The following TSHZ2 variants were observed in gnomAD, a reference collection of about 807,000 sequenced individuals.
The protein encoded by TSHZ2 is teashirt homolog 2.
Under a neutral mutation model 74.4 loss-of-function variants are expected in TSHZ2, and 21 were observed. The ratio of observed to expected loss-of-function variants is 0.28; its 90% CI spans 0.20 to 0.41. The LOEUF (loss-of-function observed/expected upper bound fraction) is 0.41, where lower values mean the gene tolerates loss of function less well. TSHZ2 is among the 10% of genes least tolerant of loss of function. TSHZ2 has a pLI of 1.00. For synonymous variants in TSHZ2, 540 were observed against 515.3 expected (o/e 1.05, Z -0.65); for missense variants, 1,244 against 1,293.5 (o/e 0.96, Z 0.59).
chr20:53,249,220 A>C (rs1568833547), intron 1 of TSHZ2, among the ~76,000 whole-genome samples: 1 of 152,226 alleles, frequency 6.6e-6, no homozygotes, highest in African/African-American at 2.4e-5. Flanking sequence ...GAGGGTGGGC[A>C]GATCTTTACC....
In TSHZ2 at chr20:53,446,042, C is replaced by T. The variant is rs536160367; in HGVS notation, c.*9-41102C>T. Among the ~76,000 whole-genome samples, 20 of 152,294 alleles carry T rather than the reference C, an allele frequency of 1.3e-4. No individual in the cohort carries two copies. The South Asian group carries it at 4.1e-3, about 32-fold the overall frequency. ...ATGCACCAACAACCCCAGTACTTTA[C>T]CCGCTCTGTATTCATGCCCTTGATC... On this transcript the variant is annotated intron_variant, in intron 2 of 2. Transcript: ENST00000371497.
intron 1 of TSHZ2, among the ~76,000 whole-genome samples, chr20:53,125,153 G>A (rs989867884): frequency 6.6e-6 from 1 of 152,180 alleles, no homozygotes; most frequent in African/African-American, 2.4e-5. Context: ...AATTTATAGG[G>A]TGATTTTGAG....
intron 1 of TSHZ2, among the ~76,000 whole-genome samples, chr20:53,065,759 T>C (rs1053111131): frequency 6.6e-6 from 1 of 152,254 alleles, no homozygotes; most frequent in Non-Finnish European, 1.5e-5. Flanking sequence ...TATATAGGTC[T>C]CTAGCCCAAA....
intron 1 of TSHZ2, among the ~76,000 whole-genome samples, chr20:53,203,989 C>A (rs956173174): frequency 6.6e-6 from 1 of 150,740 alleles, no homozygotes; most frequent in Admixed American, 6.6e-5. Flanking sequence ...GTCCAAAAAC[C>A]GTAGTGCACA....
chr20:53,201,016 AT>A (rs199964279), intron 1 of TSHZ2, among the ~76,000 whole-genome samples: 9,010 of 149,342 alleles, frequency 0.06, 582 homozygotes, highest in East Asian at 0.32. Flanking sequence ...TTTTCCATTA[AT>A]TTTTTTTTTT....
At chr20:53,419,893 C>T (rs1347319439) in intron 2 of TSHZ2, among the ~76,000 whole-genome samples, 3 of 152,212 alleles carry the variant, frequency 2.0e-5, no homozygotes, top group Non-Finnish European at 4.4e-5. Flanking sequence ...ACCACGCTGC[C>T]GATCTCCTAA....
intron 1 of TSHZ2, among the ~76,000 whole-genome samples, chr20:53,046,498 A>T (rs1984232934): frequency 6.6e-6 from 1 of 152,152 alleles, no homozygotes; most frequent in Admixed American, 6.5e-5. Context: ...CCTAAGCTAA[A>T]ATATTCACCA....
chr20:53,367,554 A>G (rs1413092863), intron 2 of TSHZ2, among the ~76,000 whole-genome samples: 1 of 151,992 alleles, frequency 6.6e-6, no homozygotes, highest in African/African-American at 2.4e-5. Context: ...AAGTTACAGA[A>G]GTTTTTCTTC....
intron 1 of TSHZ2, among the ~76,000 whole-genome samples, chr20:53,024,931 A>T (rs1342438917): frequency 3.9e-5 from 6 of 152,112 alleles, no homozygotes; most frequent in Non-Finnish European, 7.4e-5. Context: ...AGTCTTTGCT[A>T]TTGTGAATAC....
chr20:53,014,670 C>G (rs1255530888), intron 1 of TSHZ2, among the ~76,000 whole-genome samples: 3 of 152,070 alleles, frequency 2.0e-5, no homozygotes, highest in Non-Finnish European at 4.4e-5. Flanking sequence ...GGAAATGTAC[C>G]CCCAGCATTT....
intron 2 of TSHZ2, among the ~76,000 whole-genome samples, chr20:53,386,574 C>T (rs999120368): frequency 6.6e-6 from 1 of 152,220 alleles, no homozygotes; most frequent in African/African-American, 2.4e-5. Context: ...GAATGCAAGA[C>T]TGAATAAATG....
intron 2 of TSHZ2, among the ~76,000 whole-genome samples, chr20:53,420,869 C>T (rs11697255): frequency 0.05 from 7,672 of 152,272 alleles, 276 homozygotes; most frequent in Middle Eastern, 0.075. Context: ...TAAAAAGGGA[C>T]AGAAGATGGG....
chr20:53,034,207 C>A (rs1983742731), intron 1 of TSHZ2, among the ~76,000 whole-genome samples: 2 of 152,158 alleles, frequency 1.3e-5, no homozygotes, highest in South Asian at 2.1e-4. Flanking sequence ...GGGTACAAAT[C>A]AGGCTTGGAA....
intron 2 of TSHZ2, among the ~76,000 whole-genome samples, chr20:53,387,834 C>T (rs1759392515): frequency 6.6e-6 from 1 of 152,042 alleles, no homozygotes; most frequent in Non-Finnish European, 1.5e-5. Context: ...ATTGTCTGAG[C>T]TCAGGAGTTC....
At chr20:53,442,303 T>C (rs375063102) in intron 2 of TSHZ2, among the ~76,000 whole-genome samples, 97 of 152,304 alleles carry the variant, frequency 6.4e-4, no homozygotes, top group African/African-American at 1.6e-3. Context: ...GCAAACCCCA[T>C]GTCAAAAGAA....
rs116287042 is a variant in TSHZ2, at chr20:53,174,653, C to T, written c.41-78846C>T. Among the ~76,000 whole-genome samples, 772 of 152,304 alleles carry T rather than the reference C, an allele frequency of 5.1e-3. 3 individuals are homozygous for T. The highest frequency in any genetic ancestry group is 0.014 in the African/African-American group (595 of 41,570). On this transcript the variant is annotated intron_variant, in intron 1 of 2. Transcript: ENST00000371497. Reference sequence around the variant, plus strand: ...GGCACTCAAGGCTTAGCTATCATGACGCCTGTGTCTCTGGGACATGCTCAG... The same window carrying T: ...GGCACTCAAGGCTTAGCTATCATGATGCCTGTGTCTCTGGGACATGCTCAG...
chr20:53,427,881 A>C (rs1983711693), intron 2 of TSHZ2, among the ~76,000 whole-genome samples: 1 of 152,184 alleles, frequency 6.6e-6, no homozygotes, highest in Admixed American at 6.5e-5. Flanking sequence ...ATTGATGGTC[A>C]ACTAAGAAAA....
At chr20:53,373,576 C>A (rs945172141) in intron 2 of TSHZ2, among the ~76,000 whole-genome samples, 1 of 152,094 alleles carries the variant, frequency 6.6e-6, no homozygotes, top group East Asian at 1.9e-4. Context: ...ATGTTGTCAA[C>A]CCAAAGAGAG....
intron 2 of TSHZ2, among the ~76,000 whole-genome samples, chr20:53,336,745 G>A (rs371184541): frequency 8.5e-5 from 13 of 152,214 alleles, no homozygotes; most frequent in African/African-American, 2.9e-4. Flanking sequence ...AACAGAGAAG[G>A]CACAGGACCA....
Sources: allele counts gnomAD v4.1 joint callset (sites outside exome capture counted in the v4.1 genomes callset), GRCh38; gene constraint gnomAD v4.1.1; transcripts MANE v1.5; gene names NCBI Gene and HGNC (gene_info 2026-07-23, HGNC 2026-07-21).